TASP1: variants seen among roughly 807,000 people sequenced by gnomAD.
The protein encoded by TASP1 is threonine aspartase 1.
A neutral mutation model predicts 56.6 loss-of-function variants in TASP1; 16 were observed. That is an observed-to-expected ratio of 0.28 (90% CI 0.19 to 0.43). TASP1 has a LOEUF of 0.43. TASP1 is among the 20% of genes least tolerant of loss of function. TASP1 has a pLI of 1.00. For missense variants in TASP1, 393 were observed against 511.6 expected (o/e 0.77, Z 2.24); for synonymous variants, 179 against 184.2 (o/e 0.97, Z 0.23).
chr20:13,631,751 A>G (rs1347360145), intron 1 of TASP1, among the ~76,000 whole-genome samples: 1 of 152,240 alleles, frequency 6.6e-6, no homozygotes, highest in Non-Finnish European at 1.5e-5. Context: ...CATAACTAAG[A>G]AATTATAATA....
At chr20:13,106,880 G>A in the TASP1 span, among the ~76,000 whole-genome samples, 5 of 152,146 alleles carry the variant, frequency 3.3e-5, no homozygotes, top group African/African-American at 4.8e-5. Context: ...TCTGTATTCC[G>A]TTAGCCAAAG....
the TASP1 span, chr20:13,164,323 A>T: frequency 2.5e-5 from 12 of 471,602 alleles, no homozygotes; most frequent in African/African-American, 2.0e-4. Flanking sequence ...GATGTTAATC[A>T]GCTCCCGCAA....
intron 4 of TASP1, among the ~76,000 whole-genome samples, chr20:13,602,584 GA>G (rs2048003939): frequency 6.6e-6 from 1 of 152,128 alleles, no homozygotes; most frequent in African/African-American, 2.4e-5. Context: ...CAGTTTTGTG[GA>G]AGACAATTTT....
intron 10 of TASP1, among the ~76,000 whole-genome samples, chr20:13,494,458 T>A (rs1275779862): frequency 2.6e-5 from 4 of 152,190 alleles, no homozygotes; most frequent in African/African-American, 9.6e-5. Flanking sequence ...TAGATTAAAT[T>A]CAATTATAGA....
At chr20:13,209,846 T>C in the TASP1 span, among the ~76,000 whole-genome samples, 2 of 152,222 alleles carry the variant, frequency 1.3e-5, no homozygotes, top group African/African-American at 4.8e-5. Flanking sequence ...CACAGACTAT[T>C]ATGCTTATTT....
At chr20:13,225,722 A>C in the TASP1 span, among the ~76,000 whole-genome samples, 6 of 152,322 alleles carry the variant, frequency 3.9e-5, no homozygotes, top group African/African-American at 1.4e-4. Flanking sequence ...TGAGAAAACT[A>C]TCTGCAGTAG....
At chr20:13,474,074 T>G (rs1342535709) in intron 11 of TASP1, among the ~76,000 whole-genome samples, 3 of 152,212 alleles carry the variant, frequency 2.0e-5, no homozygotes, top group Non-Finnish European at 4.4e-5. Context: ...AGACTCAGTC[T>G]TGAAAAGAAA....
At chr20:13,367,705 T>TG in the TASP1 span, among the ~76,000 whole-genome samples, 1 of 152,230 alleles carries the variant, frequency 6.6e-6, no homozygotes, top group Non-Finnish European at 1.5e-5. Flanking sequence ...TTGCTAAATA[T>TG]GGTTTTATCT....
intron 1 of TASP1, 78 bp from the exon 2 acceptor site, chr20:13,630,230 T>C: frequency 5.5e-6 from 4 of 727,266 alleles, no homozygotes; most frequent in Non-Finnish European, 8.2e-6. Context: ...CATGCAAAGA[T>C]AATGTTCAAA....
At chr20:13,264,990 C>T in the TASP1 span, among the ~76,000 whole-genome samples, 2 of 152,138 alleles carry the variant, frequency 1.3e-5, no homozygotes, top group African/African-American at 2.4e-5. Flanking sequence ...CAAGTCACAG[C>T]GCAGTGTGAT....
chr20:13,615,254 ATG>A (rs1419669939), intron 4 of TASP1, among the ~76,000 whole-genome samples: 3 of 152,162 alleles, frequency 2.0e-5, no homozygotes, highest in Non-Finnish European at 4.4e-5. Flanking sequence ...GTTACAGTAC[ATG>A]TGTGTCATGA....
intron 13 of TASP1, among the ~76,000 whole-genome samples, chr20:13,409,689 A>T (rs1472338227): frequency 6.6e-6 from 1 of 152,048 alleles, no homozygotes; most frequent in South Asian, 2.1e-4. Flanking sequence ...CTGACATACT[A>T]ATCATTTTAT....
the TASP1 span, among the ~76,000 whole-genome samples, chr20:13,362,036 C>T: frequency 2.0e-5 from 3 of 149,058 alleles, no homozygotes; most frequent in African/African-American, 7.6e-5. Context: ...CTAACATCCC[C>T]ACAATATCAC....
At chr20:13,344,017 T>G in the TASP1 span, among the ~76,000 whole-genome samples, 4 of 152,112 alleles carry the variant, frequency 2.6e-5, no homozygotes, top group African/African-American at 9.7e-5. Flanking sequence ...GTAGTCCCTC[T>G]GCTTGTGGAT....
chr20:13,126,405 G>T, the TASP1 span, among the ~76,000 whole-genome samples: 1 of 152,176 alleles, frequency 6.6e-6, no homozygotes, highest in Non-Finnish European at 1.5e-5. Context: ...TTGAGGGAGA[G>T]ACTATGAAGG....
chr20:13,292,358 TC>T, the TASP1 span: 1 of 1,546,262 alleles, frequency 6.5e-7, no homozygotes, highest in African/African-American at 1.4e-5. Flanking sequence ...AAAAATGAGC[TC>T]TTGTCTGTGT....
intron 11 of TASP1, among the ~76,000 whole-genome samples, chr20:13,453,767 A>T (rs532000909): frequency 2.0e-5 from 3 of 152,238 alleles, no homozygotes; most frequent in Admixed American, 1.3e-4. Context: ...GGAAGGTTAC[A>T]TTCTGATGGC....
At chr20:13,452,521 T>C (rs1018907966) in intron 11 of TASP1, among the ~76,000 whole-genome samples, 2 of 151,876 alleles carry the variant, frequency 1.3e-5, no homozygotes, top group Non-Finnish European at 2.9e-5. Context: ...TTTTTATATA[T>C]ACAAATTCAT....
the TASP1 span, among the ~76,000 whole-genome samples, chr20:13,192,595 G>A: frequency 6.6e-6 from 1 of 152,040 alleles, no homozygotes; most frequent in Non-Finnish European, 1.5e-5. Context: ...GTTCAGTGGT[G>A]CAATCACAGC....
Sources: gnomAD v4.1 joint callset for allele counts (sites outside exome capture counted in the v4.1 genomes callset) on GRCh38, gnomAD v4.1.1 for gene constraint, MANE v1.5 for transcripts, NCBI Gene and HGNC (gene_info 2026-07-23, HGNC 2026-07-21) for gene names.